Variants in CREB1 observed in about 807,000 individuals in gnomAD.
The protein encoded by CREB1 is cyclic AMP-responsive element-binding protein 1.
In CREB1, 2 loss-of-function variants were observed where a neutral mutation model predicts 42.0. The observed-to-expected ratio is 0.05, with a 90% CI of 0.02 to 0.15. The LOEUF (loss-of-function observed/expected upper bound fraction) is 0.15. Among genes scored for constraint, CREB1 ranks in the 10% least tolerant of loss-of-function variants. CREB1 has a pLI of 1.00. For synonymous variants in CREB1, 123 were observed against 139.9 expected (o/e 0.88, Z 0.85); for missense variants, 199 against 388.9 (o/e 0.51, Z 4.11).
At chr2:207,556,713 A>G (rs1255765591) in intron 2 of CREB1, among the ~76,000 whole-genome samples, 4 of 152,226 alleles carry the variant, frequency 2.6e-5, no homozygotes, top group East Asian at 3.8e-4. Context: ...GACAAAGCCA[A>G]ATACATCTAA....
intron 1 of CREB1, chr2:207,534,729 G>A (rs1332605020): frequency 1.3e-5 from 2 of 152,172 alleles, no homozygotes; most frequent in African/African-American, 2.4e-5. Context: ...TTTTGAATAA[G>A]TAATTCATTC....
chr2:207,532,375 A>G (rs1365167256), intron 1 of CREB1, among the ~76,000 whole-genome samples: 1 of 151,750 alleles, frequency 6.6e-6, no homozygotes, highest in Non-Finnish European at 1.5e-5. Context: ...TGAGATTTTT[A>G]AAAAATTGTT....
At chr2:207,581,794 A>G (rs2082990306) in intron 7 of CREB1, 1 of 693,418 alleles carries the variant, frequency 1.4e-6, no homozygotes, top group African/African-American at 1.8e-5. Flanking sequence ...TTTTACTTAC[A>G]TAATCCAGTT....
intron 3 of CREB1, 67 bp downstream of exon 3, chr2:207,560,439 C>G: frequency 6.8e-7 from 1 of 1,477,894 alleles, no homozygotes; most frequent in Non-Finnish European, 9.3e-7. Flanking sequence ...TCTCTCCTTT[C>G]ACTAGTTATG....
In CREB1 at chr2:207,597,105, T is replaced by G. The variant is rs544887101; in HGVS notation, c.*47T>G. On this transcript the variant is annotated 3_prime_UTR_variant, in exon 8 of 8. Transcript: ENST00000353267. ...TGTTAAGGTGGAAAATGGACTGGCT[T>G]GGCCACAACCTGAAAGACAAAATAA... 4.5e-6 allele frequency: 7 copies of G among 1,540,102 alleles called. No homozygotes were observed. The South Asian group carries it at 8.6e-5, about 19-fold the overall frequency.
intron 5 of CREB1, 21 bp downstream of exon 5, chr2:207,570,342 G>GT: frequency 6.4e-7 from 1 of 1,570,928 alleles, no homozygotes; most frequent in Non-Finnish European, 8.6e-7. Context: ...GACAATTTCT[G>GT]TTTCTATTGT....
At chr2:207,583,672 T>A (rs1257641286) in intron 7 of CREB1, among the ~76,000 whole-genome samples, 1 of 152,324 alleles carries the variant, frequency 6.6e-6, no homozygotes, top group East Asian at 1.9e-4. Context: ...TAAGTTTTTA[T>A]CCTTAAATTT....
At chr2:207,557,361 G>A (rs2081769280) in intron 2 of CREB1, among the ~76,000 whole-genome samples, 1 of 152,070 alleles carries the variant, frequency 6.6e-6, no homozygotes, top group African/African-American at 2.4e-5. Context: ...AAGAAAGGTT[G>A]GCTGAGTAAA....
rs2081945823 is a variant in CREB1 at position 207,561,234 on chromosome 2, G to T, written c.261+862G>T. On this transcript the variant is annotated intron_variant, in intron 3 of 7. Coordinates refer to ENST00000353267, the MANE Select transcript of CREB1 (RefSeq NM_004379.5). Reference sequence around the variant, plus strand: ...GTGAGAAATTATTCTTTATGTCTTTGTCCTTTTCCTCTATAAACATGGAAT... The same window carrying T: ...GTGAGAAATTATTCTTTATGTCTTTTTCCTTTTCCTCTATAAACATGGAAT... 3.8e-6 allele frequency: 5 copies of T among 1,304,378 alleles called. No individual in the cohort carries two copies. The Admixed American group carries it at 9.6e-5, about 25-fold the overall frequency. The allele number at this position is 1,304,378 out of a possible 1,614,324, so 80.8% of individuals were successfully genotyped here.
At chr2:207,584,291 C>T (rs1243456084) in intron 7 of CREB1, among the ~76,000 whole-genome samples, 1 of 152,168 alleles carries the variant, frequency 6.6e-6, no homozygotes, top group Non-Finnish European at 1.5e-5. Flanking sequence ...TATGAGAGTT[C>T]AGTTGCTTTG....
At position 207,561,045 on chromosome 2, in the gene CREB1, G is replaced by GA. The variant is rs35728983; in HGVS notation, c.261+681dup. 217 of 1,365,904 alleles carry GA rather than the reference G, an allele frequency of 1.6e-4. No homozygotes were observed. The East Asian group carries it at 2.5e-3, about 16-fold the overall frequency. The allele number at this position is 1,365,904 out of a possible 1,614,324, so 84.6% of individuals were successfully genotyped here. ...ATAGATCATTGCAATTGAGCTTATT[G>GA]AAAAAAAAGACTTGAACGTTCATTC... On this transcript the variant is annotated intron_variant, in intron 3 of 7. Transcript: ENST00000353267.
At chr2:207,530,470 G>T (rs1044479899) in intron 1 of CREB1, among the ~76,000 whole-genome samples, 1 of 143,948 alleles carries the variant, frequency 6.9e-6, no homozygotes, top group African/African-American at 2.5e-5. Flanking sequence ...GCGAGCTGGC[G>T]CCCGCGTTCC....
At chr2:207,560,081 A>G (rs1407240564) in intron 2 of CREB1, 145 bp from the exon 3 acceptor site, 1 of 646,804 alleles carries the variant, frequency 1.5e-6, no homozygotes, top group Non-Finnish European at 2.5e-6. Context: ...AAGAATATTA[A>G]ATTTAGTCAT....
chr2:207,556,894 T>C (rs546343849), intron 2 of CREB1, among the ~76,000 whole-genome samples: 2 of 152,218 alleles, frequency 1.3e-5, no homozygotes, highest in African/African-American at 4.8e-5. Flanking sequence ...CCAAACACTT[T>C]AGGAGGCTGA....
intron 3 of CREB1, among the ~76,000 whole-genome samples, chr2:207,560,935 C>T (rs1294765523): frequency 6.6e-6 from 1 of 151,998 alleles, no homozygotes; most frequent in Non-Finnish European, 1.5e-5. Flanking sequence ...GAGATCTTTC[C>T]TTTGGGTTTG....
rs142792194 is a variant in CREB1, at chr2:207,586,496, T to G, written c.839+8841T>G. On this transcript the variant is annotated intron_variant, in intron 7 of 7. Transcript: ENST00000353267. Reference sequence around the variant, plus strand: ...AACATGGGGGAAATGCTTCCTGACATTAGACTTGGCAAAAACTTCATGGCT... The same window carrying G: ...AACATGGGGGAAATGCTTCCTGACAGTAGACTTGGCAAAAACTTCATGGCT... Among the ~76,000 whole-genome samples the G allele has an allele frequency of 4.7e-3, 711 of 152,254 alleles. 6 individuals carry two copies. The highest frequency in any genetic ancestry group is 0.011 in the Admixed American group (168 of 15,294).
At chr2:207,595,067 C>T (rs557137237) in intron 7 of CREB1, among the ~76,000 whole-genome samples, 2 of 148,524 alleles carry the variant, frequency 1.3e-5, no homozygotes, top group East Asian at 4.0e-4. Context: ...GCAATCTCGG[C>T]TTACTGCAAC....
chr2:207,577,808 T>A, intron 7 of CREB1, 153 bp downstream of exon 7: 2 of 860,448 alleles, frequency 2.3e-6, no homozygotes, highest in Non-Finnish European at 3.7e-6. Flanking sequence ...TTTCTTTATT[T>A]AATAAGCTGC....
At chr2:207,552,674 C>T (rs912555614) in intron 1 of CREB1, among the ~76,000 whole-genome samples, 6 of 149,202 alleles carry the variant, frequency 4.0e-5, no homozygotes, top group Admixed American at 6.7e-5. Flanking sequence ...GGCGCGATCT[C>T]GGCTTACTAC....
Sources: allele counts gnomAD v4.1 joint callset (sites outside exome capture counted in the v4.1 genomes callset), GRCh38; gene constraint gnomAD v4.1.1; transcripts MANE v1.5; gene names NCBI Gene and HGNC (gene_info 2026-07-23, HGNC 2026-07-21).